The following TMCC1 variants were observed in gnomAD, a reference collection of about 807,000 sequenced individuals.
TMCC1 encodes the protein transmembrane and coiled-coil domains protein 1.
A neutral mutation model predicts 52.4 loss-of-function variants in TMCC1; 15 were observed. The ratio of observed to expected loss-of-function variants is 0.29; its 90% CI spans 0.19 to 0.44. The LOEUF (loss-of-function observed/expected upper bound fraction) is 0.44, where lower values mean the gene tolerates loss of function less well. Among genes scored for constraint, TMCC1 ranks in the 20% least tolerant of loss-of-function variants. The probability of loss-of-function intolerance (pLI) is 1.00; values close to 1 mark genes in which losing one functional copy is unlikely to be tolerated. For synonymous variants in TMCC1, 279 were observed against 301.9 expected, an observed-to-expected ratio of 0.92 and a Z score of 0.79; for missense variants, 503 against 806.0, an observed-to-expected ratio of 0.62 and a Z score of 4.55.
intron 4 of TMCC1, among the ~76,000 whole-genome samples, chr3:129,706,969 T>G (rs1383605154): frequency 2.6e-5 from 4 of 151,002 alleles, no homozygotes; most frequent in Admixed American, 2.6e-4. Flanking sequence ...ACACCACACC[T>G]AGCAAGACAA....
intron 4 of TMCC1, among the ~76,000 whole-genome samples, chr3:129,723,148 C>T (rs559228672): frequency 1.3e-5 from 2 of 152,238 alleles, no homozygotes; most frequent in East Asian, 3.9e-4. Context: ...AGTTTGTACT[C>T]AGGACTATGG....
chr3:129,700,016 T>A (rs1242438042), intron 4 of TMCC1, among the ~76,000 whole-genome samples: 1 of 152,196 alleles, frequency 6.6e-6, no homozygotes, highest in Non-Finnish European at 1.5e-5. Context: ...ACACTTCTCA[T>A]CATTGATGGA....
At chr3:129,882,827 T>C (rs2061520159) in intron 1 of TMCC1, among the ~76,000 whole-genome samples, 1 of 152,078 alleles carries the variant, frequency 6.6e-6, no homozygotes, top group African/African-American at 2.4e-5. Context: ...GTAGTCAAAT[T>C]CAAAGACAGT....
intron 4 of TMCC1, among the ~76,000 whole-genome samples, chr3:129,804,793 C>T (rs1338757491): frequency 6.6e-6 from 1 of 152,132 alleles, no homozygotes; most frequent in African/African-American, 2.4e-5. Context: ...GCTCTAGGAC[C>T]TACTAGTTGT....
intron 4 of TMCC1, among the ~76,000 whole-genome samples, chr3:129,699,980 T>C (rs923337249): frequency 2.6e-5 from 4 of 152,186 alleles, no homozygotes; most frequent in Non-Finnish European, 5.9e-5. Flanking sequence ...AGCTGTCCAT[T>C]ACTATTTTTT....
chr3:129,675,828 G>A (rs1185084745), intron 4 of TMCC1, among the ~76,000 whole-genome samples: 2 of 151,908 alleles, frequency 1.3e-5, no homozygotes, highest in Non-Finnish European at 2.9e-5. Flanking sequence ...ACGAGGTCAG[G>A]AGATCGAGAC....
chr3:129,657,150 G>A (rs1219387021), intron 5 of TMCC1, among the ~76,000 whole-genome samples: 1 of 152,138 alleles, frequency 6.6e-6, no homozygotes, highest in East Asian at 1.9e-4. Flanking sequence ...GGGTGGCAGG[G>A]AGGGGAGCAG....
At chr3:129,840,088 G>A (rs1419862144) in intron 2 of TMCC1, among the ~76,000 whole-genome samples, 2 of 150,806 alleles carry the variant, frequency 1.3e-5, no homozygotes, top group African/African-American at 4.9e-5. Context: ...AGCACTTTGG[G>A]AGGCTGAGGC....
intron 4 of TMCC1, among the ~76,000 whole-genome samples, chr3:129,698,966 C>G (rs1341246453): frequency 6.6e-6 from 1 of 151,980 alleles, no homozygotes; most frequent in Non-Finnish European, 1.5e-5. Flanking sequence ...CAAGTTAGGA[C>G]CCAGACTGAG....
intron 2 of TMCC1, chr3:129,847,904 T>A (rs1274039866): frequency 1.3e-5 from 2 of 152,236 alleles, no homozygotes; most frequent in South Asian, 4.1e-4. Context: ...TTTAAATTTA[T>A]ATTTCCCTAA....
intron 5 of TMCC1, among the ~76,000 whole-genome samples, chr3:129,659,470 A>G (rs2108857764): frequency 1.3e-5 from 2 of 152,242 alleles, no homozygotes; most frequent in South Asian, 2.1e-4. Context: ...TTTTAACAAC[A>G]ATAAAGGGGG....
chr3:129,839,155 A>G (rs1442978737), intron 2 of TMCC1, among the ~76,000 whole-genome samples: 2 of 152,326 alleles, frequency 1.3e-5, no homozygotes, highest in Admixed American at 6.5e-5. Flanking sequence ...AAGGTAAAGT[A>G]TAATTTTTTT....
intron 2 of TMCC1, among the ~76,000 whole-genome samples, chr3:129,853,139 C>CCA (rs2107907442): frequency 6.6e-6 from 1 of 152,104 alleles, no homozygotes; most frequent in East Asian, 1.9e-4. Context: ...TATGATTGTG[C>CCA]CACTGCACTC....
intron 4 of TMCC1, among the ~76,000 whole-genome samples, chr3:129,724,029 C>T (rs1006764757): frequency 2.0e-5 from 3 of 151,808 alleles, no homozygotes; most frequent in Non-Finnish European, 4.4e-5. Context: ...GCCGAATAAC[C>T]CTCAGGTTTC....
chr3:129,827,366 T>C (rs2058703723), intron 4 of TMCC1, among the ~76,000 whole-genome samples: 1 of 152,220 alleles, frequency 6.6e-6, no homozygotes, highest in Non-Finnish European at 1.5e-5. Context: ...ACAAAGTATA[T>C]GAAAATTATA....
chr3:129,756,914 T>C (rs529155515), intron 4 of TMCC1, among the ~76,000 whole-genome samples: 1 of 152,320 alleles, frequency 6.6e-6, no homozygotes, highest in African/African-American at 2.4e-5. Flanking sequence ...TATGGTACTA[T>C]AGGATACATG....
chr3:129,734,928 A>T (rs2050827808), intron 4 of TMCC1, among the ~76,000 whole-genome samples: 1 of 145,308 alleles, frequency 6.9e-6, no homozygotes, highest in African/African-American at 2.5e-5. Context: ...TTTGAGATGG[A>T]GTCTCGCCCT....
chr3:129,712,744 C>T (rs184564620), intron 4 of TMCC1, among the ~76,000 whole-genome samples: 92 of 152,178 alleles, frequency 6.0e-4, no homozygotes, highest in African/African-American at 2.1e-3. Flanking sequence ...TGAGCCACCA[C>T]GCCTGGCCAT....
chr3:129,664,814 C>T (rs2087323184), intron 5 of TMCC1, among the ~76,000 whole-genome samples: 1 of 152,202 alleles, frequency 6.6e-6, no homozygotes, highest in East Asian at 1.9e-4. Context: ...AATATATTTA[C>T]ACTCACTACA....
Sources: allele counts gnomAD v4.1 joint callset (sites outside exome capture counted in the v4.1 genomes callset), GRCh38; gene constraint gnomAD v4.1.1; transcripts MANE v1.5; gene names NCBI Gene and HGNC (gene_info 2026-07-23, HGNC 2026-07-21).